Variants in MGMT observed in about 807,000 individuals in gnomAD.
MGMT encodes methylated-DNA--protein-cysteine methyltransferase.
In MGMT, 14 loss-of-function variants were observed where a neutral mutation model predicts 15.9. The ratio of observed to expected loss-of-function variants is 0.88; its 90% CI spans 0.58 to 1.37. The LOEUF (loss-of-function observed/expected upper bound fraction) is 1.37. Among genes scored for constraint, MGMT ranks in the 40% most tolerant of loss-of-function variants. The probability of loss-of-function intolerance (pLI) is 0.00; values close to 1 mark genes in which losing one functional copy is unlikely to be tolerated. For missense variants in MGMT, 282 were observed against 268.1 expected (o/e 1.05, Z -0.36); for synonymous variants, 130 against 118.2 (o/e 1.10, Z -0.65).
chr10:129,612,592 A>G (rs1441942608), intron 2 of MGMT, among the ~76,000 whole-genome samples: 3 of 152,174 alleles, frequency 2.0e-5, no homozygotes, highest in African/African-American at 7.2e-5. Flanking sequence ...TTCTTTCCCC[A>G]CAGCCTTGCT....
At chr10:129,759,089 A>G (rs1258276990) in intron 3 of MGMT, 113 bp from the exon 4 acceptor site, 1 of 1,330,918 alleles carries the variant, frequency 7.5e-7, no homozygotes, top group Non-Finnish European at 1.1e-6. Context: ...TTAATTGAGT[A>G]TAATACCTCT....
chr10:129,718,621 T>C (rs1343682782), intron 3 of MGMT, among the ~76,000 whole-genome samples: 1 of 152,256 alleles, frequency 6.6e-6, no homozygotes, highest in Non-Finnish European at 1.5e-5. Context: ...ACACACCTCC[T>C]GCCCTTCCTT....
Position 129,727,995 on chromosome 10 carries a change from G to T in MGMT, c.274+19952G>T, listed in dbSNP as rs534818067. Among the ~76,000 whole-genome samples, 98 of 152,286 alleles carry T rather than the reference G, an allele frequency of 6.4e-4. 1 individual carries two copies. The highest frequency in any genetic ancestry group is 2.2e-3 in the Admixed American group (33 of 15,298). ...GCAGGGGAGGGTGTGAGGAGGGGCT[G>T]CCAGCCTCCCTCCAGGCCAAGAAGG... On this transcript the variant is annotated intron_variant, in intron 3 of 4. Transcript: ENST00000651593.
intron 2 of MGMT, among the ~76,000 whole-genome samples, chr10:129,574,991 C>A (rs1375353726): frequency 6.6e-6 from 1 of 152,150 alleles, no homozygotes; most frequent in Non-Finnish European, 1.5e-5. Context: ...ATTCTAGCAA[C>A]TGCCTGGCCG....
At chr10:129,582,675 G>A (rs1478792753) in intron 2 of MGMT, among the ~76,000 whole-genome samples, 1 of 151,522 alleles carries the variant, frequency 6.6e-6, no homozygotes, top group Non-Finnish European at 1.5e-5. Context: ...CCATTTTTCT[G>A]TTACTGCTTT....
chr10:129,713,927 A>T (rs189049327), intron 3 of MGMT, among the ~76,000 whole-genome samples: 1 of 152,300 alleles, frequency 6.6e-6, no homozygotes, highest in African/African-American at 2.4e-5. Context: ...GTCCCCATTG[A>T]TGCTGTTCCC....
At chr10:129,746,619 G>T (rs185947969) in intron 3 of MGMT, among the ~76,000 whole-genome samples, 1 of 151,902 alleles carries the variant, frequency 6.6e-6, no homozygotes, top group Non-Finnish European at 1.5e-5. Context: ...TAAACATTTG[G>T]TCGTGCTTCA....
intron 3 of MGMT, among the ~76,000 whole-genome samples, chr10:129,740,812 T>C (rs1354128929): frequency 6.6e-6 from 1 of 152,114 alleles, no homozygotes; most frequent in Non-Finnish European, 1.5e-5. Flanking sequence ...TGGGGGACCT[T>C]GAGGACTGAA....
chr10:129,643,734 C>G (rs1370834825), intron 2 of MGMT, among the ~76,000 whole-genome samples: 2 of 152,198 alleles, frequency 1.3e-5, no homozygotes. Flanking sequence ...ATCTTTGAGC[C>G]TGTGTTTACA....
intron 3 of MGMT, among the ~76,000 whole-genome samples, chr10:129,733,700 G>A (rs1262325372): frequency 3.9e-5 from 6 of 152,102 alleles, no homozygotes; most frequent in East Asian, 3.9e-4. Context: ...TAGGTCTAAC[G>A]TTTAAGTCTT....
chr10:129,576,981 A>T (rs1846491268), intron 2 of MGMT, among the ~76,000 whole-genome samples: 1 of 152,204 alleles, frequency 6.6e-6, no homozygotes, highest in South Asian at 2.1e-4. Context: ...CTTACAAGGG[A>T]TGTGAAGGAC....
intron 3 of MGMT, among the ~76,000 whole-genome samples, chr10:129,736,721 T>G (rs529982812): frequency 6.6e-6 from 1 of 152,172 alleles, no homozygotes; most frequent in Non-Finnish European, 1.5e-5. Context: ...CCATGTTTAG[T>G]GCTTCCTTCA....
intron 3 of MGMT, among the ~76,000 whole-genome samples, chr10:129,715,953 G>C (rs1848290256): frequency 6.6e-6 from 1 of 152,126 alleles, no homozygotes; most frequent in South Asian, 2.1e-4. Context: ...TATTTACGTA[G>C]AGGGAACTCC....
chr10:129,653,715 C>T lies in MGMT; in HGVS notation c.126-54180C>T, dbSNP rs575303844. ...TTCTGCTAAACAAGAGGCAGGGAGCCGAATGGACAGGCCTCAGGAAGCACA... is the reference window on the plus strand; with the variant it reads ...TTCTGCTAAACAAGAGGCAGGGAGCTGAATGGACAGGCCTCAGGAAGCACA... On this transcript the variant is annotated intron_variant, in intron 2 of 4. Coordinates refer to ENST00000651593, the MANE Select transcript of MGMT (RefSeq NM_002412.5). 3.3e-5 allele frequency among the ~76,000 whole-genome samples: 5 copies of T among 152,302 alleles called. No homozygotes were observed. In the South Asian group the frequency reaches 8.3e-4, roughly 25 times the overall value.
Position 129,729,017 on chromosome 10 carries a change from G to T in MGMT, c.274+20974G>T, listed in dbSNP as rs1200102473. 3.3e-5 allele frequency among the ~76,000 whole-genome samples: 5 copies of T among 152,190 alleles called. No individual in the cohort carries two copies. In the East Asian group the frequency reaches 9.7e-4, roughly 29 times the overall value. On this transcript the variant is annotated intron_variant, in intron 3 of 4. Transcript: ENST00000651593. ...CAGAAGACATCAGGCTCTTTCTCTA[G>T]TGACCTTAGAAATCCCCGCATTGAA...
intron 2 of MGMT, among the ~76,000 whole-genome samples, chr10:129,663,920 A>G (rs1847627949): frequency 6.6e-6 from 1 of 152,244 alleles, no homozygotes; most frequent in Admixed American, 6.5e-5. Flanking sequence ...TAAATTGTTT[A>G]AAAGCATAAG....
chr10:129,632,294 G>C (rs1847218828), intron 2 of MGMT, among the ~76,000 whole-genome samples: 1 of 152,186 alleles, frequency 6.6e-6, no homozygotes, highest in Non-Finnish European at 1.5e-5. Flanking sequence ...CATCCTGGAA[G>C]TGGATTGCAT....
intron 1 of MGMT, among the ~76,000 whole-genome samples, chr10:129,522,609 A>G (rs1194710744): frequency 2.6e-5 from 4 of 152,264 alleles, no homozygotes; most frequent in Non-Finnish European, 2.9e-5. Context: ...CACGTTCTGA[A>G]TGTACAAATT....
intron 3 of MGMT, among the ~76,000 whole-genome samples, chr10:129,735,660 C>G (rs1241697055): frequency 2.5e-5 from 3 of 119,632 alleles, no homozygotes; most frequent in South Asian, 3.4e-4. Flanking sequence ...GTTAGGGTGT[C>G]AATTTTGGAT....
Sources: allele counts gnomAD v4.1 joint callset (sites outside exome capture counted in the v4.1 genomes callset), GRCh38; gene constraint gnomAD v4.1.1; transcripts MANE v1.5; gene names NCBI Gene and HGNC (gene_info 2026-07-23, HGNC 2026-07-21).